BTBD8: variants seen among roughly 807,000 people sequenced by gnomAD.
BTBD8 encodes the protein BTB/POZ domain-containing protein 8.
BTBD8 carries 110 observed loss-of-function variants against 162.9 expected under a neutral mutation model. The ratio of observed to expected loss-of-function variants is 0.68; its 90% CI spans 0.58 to 0.79. The LOEUF (loss-of-function observed/expected upper bound fraction) is 0.79. Among genes scored for constraint, BTBD8 ranks in the 30% least tolerant of loss-of-function variants. BTBD8 has a pLI of 0.00. For missense variants in BTBD8, 1,905 were observed against 2,085.4 expected (o/e 0.91, Z 1.68); for synonymous variants, 667 against 716.1 (o/e 0.93, Z 1.10).
At chr1:92,135,938 C>T (rs960846944) in intron 5 of BTBD8, among the ~76,000 whole-genome samples, 1 of 152,166 alleles carries the variant, frequency 6.6e-6, no homozygotes, top group Non-Finnish European at 1.5e-5. Context: ...GAGAGTATTA[C>T]ACATTCAAGT....
At chr1:92,137,908 G>C (rs1649671858) in intron 5 of BTBD8, among the ~76,000 whole-genome samples, 1 of 152,124 alleles carries the variant, frequency 6.6e-6, no homozygotes, top group South Asian at 2.1e-4. Flanking sequence ...ACAATTCAGA[G>C]CCTACACACA....
At chr1:92,095,456 A>C (rs562210590) in intron 2 of BTBD8, among the ~76,000 whole-genome samples, 9 of 152,306 alleles carry the variant, frequency 5.9e-5, no homozygotes, top group Non-Finnish European at 8.8e-5. Flanking sequence ...CTAACAAATT[A>C]TCTTTTCAGT....
chr1:92,170,660 T>C (rs1006161289), intron 12 of BTBD8, among the ~76,000 whole-genome samples: 3 of 152,148 alleles, frequency 2.0e-5, no homozygotes, highest in African/African-American at 7.2e-5. Flanking sequence ...TATATATTTC[T>C]TCAAAATATG....
rs2100694229 is a variant in BTBD8, at chr1:92,181,817, A to G, written c.4134A>G (p.Val1378=). The G allele has an allele frequency of 6.4e-7, 1 of 1,551,246 alleles. No homozygotes were observed. The highest frequency in any genetic ancestry group is 2.4e-5 in the East Asian group (1 of 40,906). ...SVQFAQEIDQ[V]SSSADETEDE... is the part of the protein sequence containing the mutation. Reference sequence around the variant, plus strand: ...AGTTTGCTCAGGAAATAGATCAGGTATCTTCTTCAGCAGATGAAACAGAAG... The same window carrying G: ...AGTTTGCTCAGGAAATAGATCAGGTGTCTTCTTCAGCAGATGAAACAGAAG... Residue 1378 remains valine, a synonymous_variant, in exon 17 of 18, where the codon GTA becomes GTG. Coordinates refer to ENST00000636805, the MANE Select transcript of BTBD8 (RefSeq NM_001376131.1).
chr1:92,100,135 T>C (rs1648549287), intron 2 of BTBD8, among the ~76,000 whole-genome samples: 1 of 152,210 alleles, frequency 6.6e-6, no homozygotes, highest in Non-Finnish European at 1.5e-5. Flanking sequence ...TGTACTTTAT[T>C]TTACTGATAT....
At chr1:92,134,895 A>AT (rs11375777) in intron 5 of BTBD8, among the ~76,000 whole-genome samples, 102,870 of 144,316 alleles carry the variant, frequency 0.71, 37,151 homozygotes, top group East Asian at 0.95. Flanking sequence ...TAATTAATTA[A>AT]TTTTTTTTTT....
At position 92,181,682 on chromosome 1, in the gene BTBD8, A is replaced by C. The variant is rs1379807683; in HGVS notation, c.3999A>C (p.Gln1333His). ...MKKQSNNDLF[Q>H]VNSTSDDEIP... Reference sequence around the variant, plus strand: ...AGCAAAGTAATAATGATCTTTTCCAAGTTAATTCAACGAGTGATGATGAAA... The same window carrying C: ...AGCAAAGTAATAATGATCTTTTCCACGTTAATTCAACGAGTGATGATGAAA... The change falls in exon 17 of 18, where the codon CAA (glutamine) becomes CAC (histidine). Residue 1333 changes from glutamine (Q) to histidine (H), a missense_variant. Coordinates refer to ENST00000636805, the MANE Select transcript of BTBD8 (RefSeq NM_001376131.1). 1.3e-6 allele frequency: 2 copies of C among 1,551,530 alleles called. No individual in the cohort carries two copies. The highest frequency in any genetic ancestry group is 2.4e-5 in the South Asian group (2 of 84,018).
intron 3 of BTBD8, among the ~76,000 whole-genome samples, chr1:92,107,077 T>C (rs1366174380): frequency 6.6e-6 from 1 of 152,124 alleles, no homozygotes; most frequent in African/African-American, 2.4e-5. Flanking sequence ...AGACTCTGTC[T>C]CTAAAAAATA....
At chr1:92,178,025 AAC>A (rs544074635) in intron 15 of BTBD8, 127 bp downstream of exon 15, 47 of 579,160 alleles carry the variant, frequency 8.1e-5, no homozygotes, top group South Asian at 2.1e-4. Flanking sequence ...ATAATATTTT[AAC>A]ACAGTTTTTT....
At chr1:92,098,338 T>C (rs1648506402) in intron 2 of BTBD8, among the ~76,000 whole-genome samples, 4 of 152,186 alleles carry the variant, frequency 2.6e-5, no homozygotes, top group Admixed American at 2.0e-4. Context: ...TGATAGGCTT[T>C]TGGGTTATTT....
rs1476774349 is a variant in BTBD8, at chr1:92,180,323, T to C, written c.2640T>C (p.Asp880=). The change falls in exon 17 of 18, where the codon GAT becomes GAC. Residue 880 remains aspartate (D), a synonymous_variant. Transcript: ENST00000636805. The stretch of plus-strand genomic sequence containing the variant: ...CTTCAGTCTCTTCAAGGCAGTCTGA[T>C]GAAAATGTGGCAAAGTTGGACCACA... ...VKSSVSSRQS[D]ENVAKLDHNT... is the part of the protein sequence containing the mutation. The C allele has an allele frequency of 3.2e-6, 5 of 1,551,126 alleles. No individual in the cohort carries two copies. Among genetic ancestry groups the C allele is most frequent in the Non-Finnish European group, 3.5e-6 (4 of 1,146,802 alleles).
chr1:92,091,160 C>T (rs1345342180), intron 2 of BTBD8, among the ~76,000 whole-genome samples: 1 of 152,062 alleles, frequency 6.6e-6, no homozygotes, highest in Non-Finnish European at 1.5e-5. Flanking sequence ...GTGGATTTCC[C>T]CCTGGCTGTT....
Position 92,182,530 on chromosome 1 carries a change from A to C in BTBD8, c.4847A>C (p.Gln1616Pro). The C allele has an allele frequency of 6.5e-7, 1 of 1,542,046 alleles. No individual in the cohort carries two copies. The highest frequency in any genetic ancestry group is 1.2e-5 in the South Asian group (1 of 81,360). Reference sequence around the variant, plus strand: ...TCCTTTCGGAGTCAAGTTCTGCCTCAGGAAGGTCCAGTGAAAGAGAGCCAT... The same window carrying C: ...TCCTTTCGGAGTCAAGTTCTGCCTCCGGAAGGTCCAGTGAAAGAGAGCCAT... ...LDSFRSQVLP[Q>P]EGPVKESHST... The change falls in exon 17 of 18, where the codon CAG becomes CCG. Residue 1616 changes from glutamine to proline, a missense_variant. This residue lies in a region of BTBD8 where 517 missense variants were observed against 606.6 expected (regional missense o/e 0.85). Coordinates refer to ENST00000636805, the MANE Select transcript of BTBD8 (RefSeq NM_001376131.1).
Position 92,116,433 on chromosome 1 carries a change from G to A in BTBD8, c.662+8432G>A, listed in dbSNP as rs545884225. ...TATTAATTACTGATGGAGTATTGAA[G>A]TCTCCAAGTATCATTATAAATTTAT... On this transcript the variant is annotated intron_variant, in intron 4 of 17. Transcript: ENST00000636805. Among the ~76,000 whole-genome samples the A allele has an allele frequency of 9.9e-5, 15 of 152,106 alleles. 1 individual carries two copies. The highest frequency in any genetic ancestry group is 3.6e-4 in the African/African-American group (15 of 41,434).
At chr1:92,104,968 G>A (rs1648686801) in intron 3 of BTBD8, among the ~76,000 whole-genome samples, 1 of 149,416 alleles carries the variant, frequency 6.7e-6, no homozygotes, top group Admixed American at 6.7e-5. Context: ...GTCTCACTCC[G>A]TAACCCAGGC....
intron 2 of BTBD8, among the ~76,000 whole-genome samples, chr1:92,093,508 A>C (rs923162232): frequency 8.5e-5 from 13 of 152,240 alleles, no homozygotes; most frequent in South Asian, 4.1e-4. Flanking sequence ...CCAATTTTAA[A>C]GTGTATGCTT....
At chr1:92,115,238 G>A (rs1649001708) in intron 4 of BTBD8, 1 of 485,792 alleles carries the variant, frequency 2.1e-6, no homozygotes, top group Non-Finnish European at 4.0e-6. Context: ...TTCCCAGAGG[G>A]GCCATCCACA....
In BTBD8 at chr1:92,153,974, C is replaced by G. The variant is rs79809913; in HGVS notation, c.1122+6188C>G. 4.2e-3 allele frequency among the ~76,000 whole-genome samples: 646 copies of G among 152,262 alleles called. 3 individuals carry two copies. The highest frequency in any genetic ancestry group is 6.9e-3 in the Non-Finnish European group (466 of 68,018). On this transcript the variant is annotated intron_variant, in intron 9 of 17. Coordinates refer to ENST00000636805, the MANE Select transcript of BTBD8 (RefSeq NM_001376131.1). ...AGGGATTTGGGTCATGGGGGCAGAT[C>G]CCTTATGAATGGTTTGGTGCCATCC... is the stretch of plus-strand genomic sequence containing the variant.
chr1:92,129,402 C>A lies in BTBD8; in HGVS notation c.663-285C>A, dbSNP rs181320094. 2.1e-3 allele frequency among the ~76,000 whole-genome samples: 314 copies of A among 151,818 alleles called. 3 individuals carry two copies. Among genetic ancestry groups the A allele is most frequent in the African/African-American group, 7.3e-3 (301 of 41,386 alleles). ...GGGAGGCTGAGGTGGGAGGATCATA[C>A]GTGAGTCTAGGAGTTCAGGGCTGTA... On this transcript the variant is annotated intron_variant, in intron 4 of 17. Transcript: ENST00000636805.
Sources: allele counts gnomAD v4.1 joint callset (sites outside exome capture counted in the v4.1 genomes callset), GRCh38; gene constraint gnomAD v4.1.1; regional missense constraint gnomAD v4.1.1; transcripts MANE v1.5; gene names NCBI Gene and HGNC (gene_info 2026-07-23, HGNC 2026-07-21).